The following SLC9A9 variants were observed in gnomAD, a reference collection of about 807,000 sequenced individuals.
SLC9A9 encodes the protein sodium/hydrogen exchanger 9.
Under a neutral mutation model 77.8 loss-of-function variants are expected in SLC9A9, and 62 were observed. The observed-to-expected ratio is 0.80, with a 90% CI of 0.65 to 0.98. The LOEUF (loss-of-function observed/expected upper bound fraction) is 0.98, where lower values mean the gene tolerates loss of function less well. SLC9A9 is among the 50% of genes least tolerant of loss of function. The probability of loss-of-function intolerance (pLI) is 0.00; values close to 1 mark genes in which losing one functional copy is unlikely to be tolerated. For synonymous variants in SLC9A9, 320 were observed against 283.5 expected, an observed-to-expected ratio of 1.13 and a Z score of -1.29; for missense variants, 775 against 774.9, an observed-to-expected ratio of 1.00 and a Z score of 0.00.
intron 6 of SLC9A9, among the ~76,000 whole-genome samples, chr3:143,594,057 T>A (rs1446201205): frequency 6.6e-6 from 1 of 152,074 alleles, no homozygotes; most frequent in African/African-American, 2.4e-5. Context: ...TTATTTACAT[T>A]AAAATGTTCA....
intron 9 of SLC9A9, among the ~76,000 whole-genome samples, chr3:143,542,976 G>C (rs1000743597): frequency 6.6e-6 from 1 of 152,198 alleles, no homozygotes; most frequent in Admixed American, 6.5e-5. Flanking sequence ...GAAGTGTGGT[G>C]AGTGTTAAGA....
chr3:143,722,566 G>A (rs910356028), intron 4 of SLC9A9, among the ~76,000 whole-genome samples: 3 of 150,710 alleles, frequency 2.0e-5, no homozygotes, highest in Non-Finnish European at 2.9e-5. Context: ...TGGCTTCTCA[G>A]AGGCTCACAA....
rs376601264 is a variant in SLC9A9 at position 143,808,122 on chromosome 3, G to T, written c.379-11219C>A. Among the ~76,000 whole-genome samples, 101 of 152,288 alleles carry T rather than the reference G, an allele frequency of 6.6e-4. 4 individuals carry two copies. In the South Asian group the frequency reaches 0.02, roughly 30 times the overall value. On this transcript the variant is annotated intron_variant, in intron 2 of 15. Coordinates refer to ENST00000316549, the MANE Select transcript of SLC9A9 (RefSeq NM_173653.4). ...GGGAGAAATCACTTCTAGGTTTTTT[G>T]CTTAGGTAGTAAGAAAGCCTAAGGT...
At chr3:143,474,618 C>A (rs1022927869) in intron 11 of SLC9A9, among the ~76,000 whole-genome samples, 3 of 151,696 alleles carry the variant, frequency 2.0e-5, no homozygotes, top group Non-Finnish European at 4.4e-5. Flanking sequence ...TGTATAAGGG[C>A]GATCAAGGGT....
intron 12 of SLC9A9, among the ~76,000 whole-genome samples, chr3:143,425,942 G>A (rs924245158): frequency 1.3e-5 from 2 of 150,060 alleles, no homozygotes; most frequent in Non-Finnish European, 3.0e-5. Context: ...TCTTGACTAC[G>A]CACCTGCTCC....
chr3:143,773,508 G>A (rs762640477), intron 4 of SLC9A9, among the ~76,000 whole-genome samples: 2 of 150,318 alleles, frequency 1.3e-5, no homozygotes, highest in Non-Finnish European at 3.0e-5. Flanking sequence ...TTTTGAAATG[G>A]GGTTTTGCTT....
intron 9 of SLC9A9, among the ~76,000 whole-genome samples, chr3:143,519,935 G>A (rs1178814115): frequency 2.6e-5 from 4 of 152,282 alleles, no homozygotes; most frequent in Non-Finnish European, 5.9e-5. Flanking sequence ...GGAGGAAAGG[G>A]GGAGGCAATT....
chr3:143,494,385 C>T (rs1031181370), intron 10 of SLC9A9, among the ~76,000 whole-genome samples: 3 of 152,158 alleles, frequency 2.0e-5, no homozygotes, highest in Non-Finnish European at 2.9e-5. Context: ...ACTCCTTCCC[C>T]GATGGGCTAT....
intron 12 of SLC9A9, among the ~76,000 whole-genome samples, chr3:143,384,257 T>TG (rs2033369689): frequency 6.6e-6 from 1 of 152,006 alleles, no homozygotes; most frequent in African/African-American, 2.4e-5. Flanking sequence ...GACCCAGGTG[T>TG]GGAGGCTCCC....
chr3:143,545,043 C>G (rs566542453), intron 9 of SLC9A9, among the ~76,000 whole-genome samples: 1 of 152,222 alleles, frequency 6.6e-6, no homozygotes, highest in South Asian at 2.1e-4. Flanking sequence ...CATTTTTGTA[C>G]TGGTACAATA....
chr3:143,793,635 G>A (rs1282330576), intron 4 of SLC9A9, among the ~76,000 whole-genome samples: 3 of 152,182 alleles, frequency 2.0e-5, no homozygotes, highest in African/African-American at 7.2e-5. Flanking sequence ...AGGAAGAGAG[G>A]GTGAAGGCCT....
intron 4 of SLC9A9, among the ~76,000 whole-genome samples, chr3:143,761,909 C>T (rs1271735493): frequency 1.3e-5 from 2 of 152,270 alleles, no homozygotes; most frequent in African/African-American, 2.4e-5. Context: ...TATTGCAGCA[C>T]TATTCACAAT....
rs562898067 is a variant in SLC9A9 at position 143,318,103 on chromosome 3, A to G, written c.1604+45381T>C. ...CCAATGGGATTTCTAGTAGATTGTT[A>G]TAACCACCAGCAGTGGGGCTGGATG... On this transcript the variant is annotated intron_variant, in intron 14 of 15. Transcript: ENST00000316549. Among the ~76,000 whole-genome samples, 8 of 152,292 alleles carry G rather than the reference A, an allele frequency of 5.3e-5. No individual in the cohort carries two copies. In the East Asian group the frequency reaches 1.5e-3, roughly 29 times the overall value.
At chr3:143,383,308 C>T (rs940208052) in intron 12 of SLC9A9, among the ~76,000 whole-genome samples, 1 of 152,168 alleles carries the variant, frequency 6.6e-6, no homozygotes, top group African/African-American at 2.4e-5. Flanking sequence ...GTTCCTACTC[C>T]GGGGTGGACA....
chr3:143,337,130 T>G (rs1200945317), intron 14 of SLC9A9, among the ~76,000 whole-genome samples: 1 of 152,154 alleles, frequency 6.6e-6, no homozygotes, highest in African/African-American at 2.4e-5. Context: ...ATTATAATTT[T>G]ATTAATAAAT....
At position 143,268,665 on chromosome 3, in the gene SLC9A9, G is replaced by A. The variant is rs539331523; in HGVS notation, c.1710+210C>T. ...GGAGAATGGCATGAACCCGGGAGGCGGAGCTTGCAGTGAGCTGAGATCACG... is the reference window on the plus strand; with the variant it reads ...GGAGAATGGCATGAACCCGGGAGGCAGAGCTTGCAGTGAGCTGAGATCACG... On this transcript the variant is annotated intron_variant, in intron 15 of 15. Transcript: ENST00000316549. Among the ~76,000 whole-genome samples the A allele has an allele frequency of 4.7e-5, 7 of 149,512 alleles. No homozygotes were observed. The South Asian group carries it at 8.5e-4, about 18-fold the overall frequency.
intron 4 of SLC9A9, among the ~76,000 whole-genome samples, chr3:143,756,633 G>C (rs552344192): frequency 6.6e-6 from 1 of 152,286 alleles, no homozygotes; most frequent in African/African-American, 2.4e-5. Flanking sequence ...TGTTTTGTTG[G>C]ATAGATAATC....
At chr3:143,717,408 T>A (rs1448578525) in intron 4 of SLC9A9, among the ~76,000 whole-genome samples, 1 of 152,222 alleles carries the variant, frequency 6.6e-6, no homozygotes, top group Admixed American at 6.5e-5. Context: ...AATTGGTTGT[T>A]GAGTGGCAGT....
intron 6 of SLC9A9, among the ~76,000 whole-genome samples, chr3:143,603,952 AT>A (rs1431179768): frequency 6.6e-6 from 1 of 152,206 alleles, no homozygotes; most frequent in East Asian, 1.9e-4. Context: ...TAAGACTATA[AT>A]CAAGAACATT....
Sources: allele counts gnomAD v4.1 joint callset (sites outside exome capture counted in the v4.1 genomes callset), GRCh38; gene constraint gnomAD v4.1.1; transcripts MANE v1.5; gene names NCBI Gene and HGNC (gene_info 2026-07-23, HGNC 2026-07-21).